ATP11A: variants seen among roughly 807,000 people sequenced by gnomAD.
ATP11A encodes the protein ATPase phospholipid transporting 11A, also known as phospholipid-transporting ATPase IH.
ATP11A carries 81 observed loss-of-function variants against 154.4 expected under a neutral mutation model. The observed-to-expected ratio is 0.52, with a 90% confidence interval of 0.44 to 0.63. ATP11A has a LOEUF of 0.63. ATP11A is among the 30% of genes least tolerant of loss of function. The pLI is 0.00. For synonymous variants in ATP11A, 623 were observed against 585.9 expected (o/e 1.06, Z -0.91); for missense variants, 1,316 against 1,474.3 (o/e 0.89, Z 1.76).
chr13:112,758,807 A>G (rs143846763), intron 1 of ATP11A, among the ~76,000 whole-genome samples: 2,101 of 152,138 alleles, frequency 0.014, 26 homozygotes, highest in Middle Eastern at 0.034. Flanking sequence ...GCATTTTTCA[A>G]TTTTCCTGCA....
intron 25 of ATP11A, among the ~76,000 whole-genome samples, chr13:112,865,612 C>T (rs1282090343): frequency 6.6e-6 from 1 of 152,216 alleles, no homozygotes; most frequent in African/African-American, 2.4e-5. Flanking sequence ...TGCAATGGCG[C>T]AGTCTTGGCT....
intron 1 of ATP11A, among the ~76,000 whole-genome samples, chr13:112,768,377 T>C (rs1594616802): frequency 6.6e-6 from 1 of 152,210 alleles, no homozygotes; most frequent in African/African-American, 2.4e-5. Flanking sequence ...ACCATCCCTA[T>C]GGTGGAGTCT....
intron 1 of ATP11A, among the ~76,000 whole-genome samples, chr13:112,763,058 G>A (rs1416136583): frequency 6.6e-6 from 1 of 152,232 alleles, no homozygotes; most frequent in African/African-American, 2.4e-5. Context: ...AGCCCTGCGC[G>A]GTGGCTGAGT....
At chr13:112,744,563 T>G (rs535638986) in intron 1 of ATP11A, among the ~76,000 whole-genome samples, 1 of 152,318 alleles carries the variant, frequency 6.6e-6, no homozygotes, top group African/African-American at 2.4e-5. Context: ...GGTGCCTCCC[T>G]CCCCGGCCCT....
At position 112,704,760 on chromosome 13, in the gene ATP11A, T is replaced by G. The variant is rs192339281; in HGVS notation, c.39+14305T>G. Among the ~76,000 whole-genome samples the G allele has an allele frequency of 5.9e-5, 9 of 152,326 alleles. 1 individual carries two copies. Among genetic ancestry groups the G allele is most frequent in the South Asian group, 2.1e-4 (1 of 4,822 alleles). ...GGAAGGAAGTGGCTGCCTAAATAAT[T>G]AAATAATCTCCTGCTTCAGAGAAAA... On this transcript the variant is annotated intron_variant, in intron 1 of 29. Coordinates refer to ENST00000375645, the MANE Select transcript of ATP11A (RefSeq NM_015205.3).
intron 4 of ATP11A, among the ~76,000 whole-genome samples, chr13:112,808,771 A>T (rs1264226393): frequency 6.6e-6 from 1 of 152,058 alleles, no homozygotes; most frequent in Non-Finnish European, 1.5e-5. Flanking sequence ...TGCCGCCGCC[A>T]TCGCCCAGGT....
At chr13:112,717,737 G>A (rs1290871204) in intron 1 of ATP11A, 1 of 152,264 alleles carries the variant, frequency 6.6e-6, no homozygotes, top group Non-Finnish European at 1.5e-5. Flanking sequence ...CATGTTGTGT[G>A]ATGCCATTCC....
chr13:112,814,173 C>G (rs528618945), intron 5 of ATP11A, among the ~76,000 whole-genome samples: 2 of 152,220 alleles, frequency 1.3e-5, no homozygotes, highest in South Asian at 4.1e-4. Context: ...AAGCTATTCT[C>G]CTGCCTCAGC....
chr13:112,780,484 T>C (rs1397192611), intron 1 of ATP11A, among the ~76,000 whole-genome samples: 1 of 152,062 alleles, frequency 6.6e-6, no homozygotes, highest in Non-Finnish European at 1.5e-5. Context: ...CGCGTGTTGC[T>C]GTGGGTGTCG....
chr13:112,772,505 A>G (rs2077249181), intron 1 of ATP11A, among the ~76,000 whole-genome samples: 1 of 151,996 alleles, frequency 6.6e-6, no homozygotes. Context: ...ACATCACCAC[A>G]ATCTAATTTT....
intron 12 of ATP11A, among the ~76,000 whole-genome samples, chr13:112,829,380 C>G (rs2079031220): frequency 6.6e-6 from 1 of 152,156 alleles, no homozygotes; most frequent in Admixed American, 6.5e-5. Context: ...AGGATCATAC[C>G]CCACCTGTGG....
At position 112,694,054 on chromosome 13, in the gene ATP11A, G is replaced by A. The variant is rs1011792503; in HGVS notation, c.39+3599G>A. 4.6e-5 allele frequency among the ~76,000 whole-genome samples: 7 copies of A among 152,278 alleles called. No individual in the cohort carries two copies. In the South Asian group the frequency reaches 6.2e-4, roughly 14 times the overall value. On this transcript the variant is annotated intron_variant, in intron 1 of 29. Transcript: ENST00000375645. ...CACCGATTCAGGTAGTTTAAGTTCC[G>A]AGAGGAACCAGGGCAGCCTCAGCGG...
chr13:112,842,232 T>C, intron 16 of ATP11A, 44 bp from the exon 17 acceptor site: 1 of 1,404,554 alleles, frequency 7.1e-7, no homozygotes, highest in Non-Finnish European at 9.9e-7. Flanking sequence ...TAATCTAGTC[T>C]TCCCCATATT....
intron 1 of ATP11A, among the ~76,000 whole-genome samples, chr13:112,714,936 C>T (rs1320853948): frequency 6.6e-6 from 1 of 152,036 alleles, no homozygotes; most frequent in Non-Finnish European, 1.5e-5. Flanking sequence ...AAATTCTCTC[C>T]TCCTTCCCCC....
chr13:112,815,993 A>C, intron 5 of ATP11A, 90 bp from the exon 6 acceptor site: 2 of 1,558,970 alleles, frequency 1.3e-6, no homozygotes, highest in Non-Finnish European at 1.8e-6. Context: ...CTGTGAATAG[A>C]TGAGCAGCTT....
chr13:112,855,171 A>G (rs2079885312), intron 19 of ATP11A, among the ~76,000 whole-genome samples: 1 of 152,218 alleles, frequency 6.6e-6, no homozygotes, highest in African/African-American at 2.4e-5. Flanking sequence ...CAATCTGCAG[A>G]ACTCCTTTTA....
Position 112,871,628 on chromosome 13 carries a change from G to T in ATP11A, c.2992-107G>T, listed in dbSNP as rs543160502. The T allele has an allele frequency of 1.3e-5, 14 of 1,041,078 alleles. No individual in the cohort carries two copies. The African/African-American group carries it at 2.1e-4, about 15-fold the overall frequency. The allele number at this position is 1,041,078 out of a possible 1,614,324, so 64.5% of individuals were successfully genotyped here. ...AGTGCTTATATCTTTGGGGTTTGAA[G>T]TGTTGGCACACAAGAAAAATGAGGT... On this transcript the variant is annotated intron_variant, in intron 25 of 29. Coordinates refer to ENST00000375645, the MANE Select transcript of ATP11A (RefSeq NM_015205.3).
intron 16 of ATP11A, among the ~76,000 whole-genome samples, chr13:112,839,609 C>T (rs1205229357): frequency 6.6e-6 from 1 of 152,178 alleles, no homozygotes; most frequent in Non-Finnish European, 1.5e-5. Flanking sequence ...GTCTTGGGGA[C>T]AGGATCCTGT....
At chr13:112,691,729 A>G (rs1354004580) in intron 1 of ATP11A, among the ~76,000 whole-genome samples, 1 of 152,168 alleles carries the variant, frequency 6.6e-6, no homozygotes, top group Admixed American at 6.5e-5. Flanking sequence ...CCTTCTTTAA[A>G]TAGGAGACCT....
Sources: allele counts gnomAD v4.1 joint callset (sites outside exome capture counted in the v4.1 genomes callset), GRCh38; gene constraint gnomAD v4.1.1; transcripts MANE v1.5; gene names NCBI Gene and HGNC (gene_info 2026-07-23, HGNC 2026-07-21).